DPP6: variants seen among roughly 807,000 people sequenced by gnomAD.
DPP6 encodes dipeptidyl peptidase like 6.
In DPP6, 69 loss-of-function variants were observed where a neutral mutation model predicts 122.6. That is an observed-to-expected ratio of 0.56 (90% CI 0.46 to 0.69). The LOEUF is 0.69. Ranked by LOEUF, DPP6 falls within the 30% of genes least tolerant of loss-of-function variation. The pLI is 0.00. For missense variants in DPP6, 928 were observed against 1,116.9 expected (o/e 0.83, Z 2.41); for synonymous variants, 418 against 433.1 (o/e 0.97, Z 0.43).
At chr7:154,313,685 G>GTGTGTGTGTATATATA in intron 1 of DPP6, among the ~76,000 whole-genome samples, 14 of 20,472 alleles carry the variant, frequency 6.8e-4, no homozygotes, top group African/African-American at 1.6e-3. Flanking sequence ...TTAAGATATG[G>GTGTGTGTGTATATATA]TATATATATA....
intron 1 of DPP6, among the ~76,000 whole-genome samples, chr7:154,187,870 C>A (rs975819452): frequency 6.6e-6 from 1 of 152,112 alleles, no homozygotes; most frequent in Non-Finnish European, 1.5e-5. Flanking sequence ...GAGACTCTAA[C>A]CCACTCTAAT....
chr7:154,053,653 A>G (rs576077807), intron 1 of DPP6, among the ~76,000 whole-genome samples: 7 of 152,126 alleles, frequency 4.6e-5, no homozygotes, highest in Non-Finnish European at 1.0e-4. Flanking sequence ...AAAATACCAA[A>G]ATACTGGCAT....
At chr7:153,795,279 G>A in the DPP6 span, among the ~76,000 whole-genome samples, 5 of 152,210 alleles carry the variant, frequency 3.3e-5, no homozygotes, top group South Asian at 1.0e-3. Context: ...GCCAGGTGTG[G>A]TGGCACATGA....
At chr7:154,521,320 G>A (rs988170923) in intron 3 of DPP6, among the ~76,000 whole-genome samples, 2 of 150,892 alleles carry the variant, frequency 1.3e-5, no homozygotes, top group African/African-American at 4.9e-5. Context: ...TTAGGTTCAA[G>A]TGAAAAAATA....
intron 16 of DPP6, among the ~76,000 whole-genome samples, chr7:154,842,227 A>G (rs6968780): frequency 0.18 from 27,218 of 152,206 alleles, 2,853 homozygotes; most frequent in African/African-American, 0.3. Context: ...AAGAGATATC[A>G]GTGGTGCCAG....
At chr7:154,160,208 C>A (rs1216079670) in intron 1 of DPP6, among the ~76,000 whole-genome samples, 1 of 151,648 alleles carries the variant, frequency 6.6e-6, no homozygotes, top group East Asian at 1.9e-4. Context: ...GACTTGAACC[C>A]GGGACCTCCA....
At chr7:153,952,983 G>T (rs985844259) in intron 1 of DPP6, among the ~76,000 whole-genome samples, 3 of 152,146 alleles carry the variant, frequency 2.0e-5, no homozygotes, top group Non-Finnish European at 4.4e-5. Context: ...TTTCCTAGAA[G>T]AATTTTATGT....
the DPP6 span, among the ~76,000 whole-genome samples, chr7:153,832,374 C>A: frequency 6.6e-5 from 10 of 152,232 alleles, no homozygotes; most frequent in Non-Finnish European, 1.2e-4. Context: ...GTGTTCATAA[C>A]TACAATTTAT....
chr7:154,589,964 C>G (rs1479256615), intron 5 of DPP6, among the ~76,000 whole-genome samples: 1 of 152,184 alleles, frequency 6.6e-6, no homozygotes, highest in Non-Finnish European at 1.5e-5. Flanking sequence ...TAAACCTCAT[C>G]CTAGCTAATC....
chr7:154,814,148 T>C (rs2150481794), intron 16 of DPP6, among the ~76,000 whole-genome samples: 1 of 152,270 alleles, frequency 6.6e-6, no homozygotes, highest in Admixed American at 6.5e-5. Context: ...CCCAAAGTAC[T>C]GGGATTACAG....
At chr7:154,619,044 T>TC (rs1834458143) in intron 5 of DPP6, among the ~76,000 whole-genome samples, 1 of 152,178 alleles carries the variant, frequency 6.6e-6, no homozygotes, top group Non-Finnish European at 1.5e-5. Flanking sequence ...CCTCCACACA[T>TC]TCTCCTGCCT....
intron 1 of DPP6, among the ~76,000 whole-genome samples, chr7:154,015,192 G>A (rs1390793707): frequency 2.0e-5 from 3 of 151,922 alleles, no homozygotes; most frequent in Admixed American, 6.6e-5. Flanking sequence ...TTTCAGCCAC[G>A]TTTGATGTAG....
intron 1 of DPP6, among the ~76,000 whole-genome samples, chr7:154,429,526 T>C (rs1278008995): frequency 6.6e-6 from 1 of 152,220 alleles, no homozygotes; most frequent in African/African-American, 2.4e-5. Context: ...AACAGCCACA[T>C]AAAATAACCC....
chr7:154,614,335 G>C (rs2130820692), intron 5 of DPP6, among the ~76,000 whole-genome samples: 1 of 152,302 alleles, frequency 6.6e-6, no homozygotes, highest in South Asian at 2.1e-4. Flanking sequence ...AATAATTATG[G>C]AATTAGCCTA....
At chr7:154,845,272 GT>G (rs1373182564) in intron 16 of DPP6, among the ~76,000 whole-genome samples, 1 of 152,194 alleles carries the variant, frequency 6.6e-6, no homozygotes, top group Non-Finnish European at 1.5e-5. Flanking sequence ...GTGAGATGGG[GT>G]TGGAACACGG....
intron 7 of DPP6, among the ~76,000 whole-genome samples, chr7:154,698,806 C>T (rs186825965): frequency 8.1e-4 from 123 of 152,322 alleles, no homozygotes; most frequent in African/African-American, 2.8e-3. Flanking sequence ...TAGTCTCAGG[C>T]GTAGCGGAGC....
intron 7 of DPP6, among the ~76,000 whole-genome samples, chr7:154,701,313 T>TCCAGTGCTGTGC (rs757446161): frequency 3.9e-5 from 6 of 152,210 alleles, no homozygotes; most frequent in Non-Finnish European, 8.8e-5. Context: ...CAGGCTGTGG[T>TCCAGTGCTGTGC]CCAGTGCTGT....
intron 1 of DPP6, among the ~76,000 whole-genome samples, chr7:154,149,070 A>G (rs1254550514): frequency 6.6e-6 from 1 of 152,220 alleles, no homozygotes. Flanking sequence ...GAAACCTCAC[A>G]GTTCTGTCCA....
chr7:153,881,283 T>C, the DPP6 span, among the ~76,000 whole-genome samples: 6 of 152,210 alleles, frequency 3.9e-5, no homozygotes, highest in African/African-American at 1.4e-4. Context: ...AGATGTGCAA[T>C]TCTAGCTATA....
Sources: allele counts gnomAD v4.1 joint callset (sites outside exome capture counted in the v4.1 genomes callset), GRCh38; gene constraint gnomAD v4.1.1; transcripts MANE v1.5; gene names NCBI Gene and HGNC (gene_info 2026-07-23, HGNC 2026-07-21).